TRIO: variants seen among roughly 807,000 people sequenced by gnomAD.
TRIO encodes the protein triple functional domain protein.
A neutral mutation model predicts 351.9 loss-of-function variants in TRIO; 58 were observed. The observed-to-expected ratio is 0.16, with a 90% CI of 0.13 to 0.21. The LOEUF (loss-of-function observed/expected upper bound fraction) is 0.21, where lower values mean the gene tolerates loss of function less well. TRIO is among the 10% of genes least tolerant of loss of function. The probability of loss-of-function intolerance (pLI) is 1.00; values close to 1 mark genes in which losing one functional copy is unlikely to be tolerated. For missense variants in TRIO, 3,201 were observed against 4,027.8 expected, an observed-to-expected ratio of 0.79 and a Z score of 5.56; for synonymous variants, 1,758 against 1,595.7, an observed-to-expected ratio of 1.10 and a Z score of -2.42.
chr5:14,250,023 A>T (rs142767206), intron 1 of TRIO, among the ~76,000 whole-genome samples: 2 of 152,260 alleles, frequency 1.3e-5, no homozygotes, highest in Non-Finnish European at 2.9e-5. Context: ...AGAATTTGTT[A>T]GAGAAGTCCA....
chr5:14,303,771 G>A (rs1738128190), intron 7 of TRIO, among the ~76,000 whole-genome samples: 1 of 152,196 alleles, frequency 6.6e-6, no homozygotes, highest in African/African-American at 2.4e-5. Context: ...GCATGGCTCA[G>A]GCTTTTCTCA....
chr5:14,324,496 A>G (rs1346643852), intron 9 of TRIO, among the ~76,000 whole-genome samples: 1 of 152,204 alleles, frequency 6.6e-6, no homozygotes, highest in Non-Finnish European at 1.5e-5. Context: ...AAACTAGCTT[A>G]GTATGTTCTT....
Position 14,387,610 on chromosome 5 carries a change from T to C in TRIO, c.3743T>C (p.Ile1248Thr). Residue 1248 changes from isoleucine to threonine, a missense_variant, in exon 22 of 57, where the codon ATT becomes ACT. By Grantham distance (89) the Ile-to-Thr change is moderately conservative. Around this residue, in one of 19 missense-constraint regions of TRIO, gnomAD observed 201 missense variants for 266.5 expected, o/e 0.75. Transcript: ENST00000344204. ...YRTSLEKALG[I>T]SSDSNKSSKS... ...ACCTCTTTGGAAAAAGCCCTGGGGA[T>C]TTCTTCAGATTCCAACAAATCGGTA... The C allele has an allele frequency of 6.2e-7, 1 of 1,611,920 alleles. No individual in the cohort carries two copies. The highest frequency in any genetic ancestry group is 8.5e-7 in the Non-Finnish European group (1 of 1,178,554).
At chr5:14,450,678 C>A (rs1752789633) in intron 34 of TRIO, among the ~76,000 whole-genome samples, 1 of 152,176 alleles carries the variant, frequency 6.6e-6, no homozygotes, top group Admixed American at 6.5e-5. Context: ...TTTTAATAGT[C>A]TTTTGCCACA....
At chr5:14,180,177 G>A (rs1222532775) in intron 1 of TRIO, among the ~76,000 whole-genome samples, 1 of 145,946 alleles carries the variant, frequency 6.9e-6, no homozygotes, top group African/African-American at 2.5e-5. Flanking sequence ...ATATTCCCTA[G>A]TTTTCTGGCA....
intron 1 of TRIO, among the ~76,000 whole-genome samples, chr5:14,236,664 A>G (rs983832346): frequency 6.6e-6 from 1 of 152,254 alleles, no homozygotes; most frequent in Non-Finnish European, 1.5e-5. Flanking sequence ...ATGTCTTAGT[A>G]TAATAACATT....
At chr5:14,404,485 T>C (rs1748533860) in intron 31 of TRIO, among the ~76,000 whole-genome samples, 1 of 152,212 alleles carries the variant, frequency 6.6e-6, no homozygotes, top group Non-Finnish European at 1.5e-5. Flanking sequence ...TTCTGAACCA[T>C]ATTAACAGTT....
At chr5:14,350,277 G>A (rs528570571) in intron 11 of TRIO, among the ~76,000 whole-genome samples, 48 of 152,350 alleles carry the variant, frequency 3.2e-4, no homozygotes, top group African/African-American at 1.1e-3. Context: ...CAACCGCAGT[G>A]AGAGACTGTG....
chr5:14,280,490 G>GT, intron 3 of TRIO, 54 bp downstream of exon 3: 1 of 1,475,454 alleles, frequency 6.8e-7, no homozygotes, highest in South Asian at 1.1e-5. Context: ...CAAGAGATGT[G>GT]GCGCTATACT....
At chr5:14,350,615 G>A (rs1020483492) in intron 11 of TRIO, among the ~76,000 whole-genome samples, 4 of 152,148 alleles carry the variant, frequency 2.6e-5, no homozygotes, top group Non-Finnish European at 5.9e-5. Flanking sequence ...GTGCTGGAGT[G>A]TCCACGCACT....
chr5:14,386,094 T>C (rs1746515704), intron 21 of TRIO, among the ~76,000 whole-genome samples: 1 of 152,122 alleles, frequency 6.6e-6, no homozygotes, highest in Non-Finnish European at 1.5e-5. Context: ...ATACATGCTA[T>C]GGGAAGCAGC....
chr5:14,237,154 C>T (rs995246712), intron 1 of TRIO, among the ~76,000 whole-genome samples: 12 of 152,110 alleles, frequency 7.9e-5, no homozygotes, highest in African/African-American at 1.7e-4. Flanking sequence ...TGTGAATTTC[C>T]GGTTTTTCTT....
At chr5:14,302,999 C>A (rs1362168099) in intron 7 of TRIO, among the ~76,000 whole-genome samples, 5 of 152,058 alleles carry the variant, frequency 3.3e-5, no homozygotes, top group African/African-American at 1.2e-4. Flanking sequence ...TGGAGGGTGT[C>A]AGTGGAGGAG....
chr5:14,400,749 AAG>A (rs1411031610), intron 30 of TRIO, among the ~76,000 whole-genome samples: 1 of 152,202 alleles, frequency 6.6e-6, no homozygotes, highest in African/African-American at 2.4e-5. Flanking sequence ...GGTCTCCAGT[AAG>A]AGACGCTCAC....
intron 1 of TRIO, among the ~76,000 whole-genome samples, chr5:14,204,520 T>C (rs1175064213): frequency 6.6e-6 from 1 of 152,128 alleles, no homozygotes; most frequent in African/African-American, 2.4e-5. Context: ...TGGTCAGTGT[T>C]GGTCTCTAGG....
intron 8 of TRIO, among the ~76,000 whole-genome samples, chr5:14,311,276 T>G (rs1738905536): frequency 6.6e-6 from 1 of 152,240 alleles, no homozygotes; most frequent in Non-Finnish European, 1.5e-5. Context: ...TTTTGGTTTT[T>G]CCTTTCTGAT....
At chr5:14,419,410 G>A (rs369191752) in intron 33 of TRIO, among the ~76,000 whole-genome samples, 5 of 152,126 alleles carry the variant, frequency 3.3e-5, no homozygotes, top group East Asian at 1.9e-4. Context: ...AGCATGGAAC[G>A]CCCAACACTG....
At chr5:14,399,149 T>C (rs773874545) in intron 30 of TRIO, 79 bp downstream of exon 30, 15 of 1,344,994 alleles carry the variant, frequency 1.1e-5, no homozygotes, top group Middle Eastern at 1.8e-4. Flanking sequence ...GAATTGTTCA[T>C]TGTCTTCAGT....
In TRIO at chr5:14,225,474, G is replaced by A. The variant is rs953726597; in HGVS notation, c.158-45351G>A. ...ATTTCCATCTGAAGCTTGGGGTCCTGTTCAGGTCCATTCAGGGTGTTGGCA... is the reference window on the plus strand; with the variant it reads ...ATTTCCATCTGAAGCTTGGGGTCCTATTCAGGTCCATTCAGGGTGTTGGCA... On this transcript the variant is annotated intron_variant, in intron 1 of 56. Transcript: ENST00000344204. 7.2e-5 allele frequency among the ~76,000 whole-genome samples: 11 copies of A among 152,244 alleles called. 1 individual carries two copies. In the South Asian group the frequency reaches 2.3e-3, roughly 32 times the overall value.
Sources: allele counts gnomAD v4.1 joint callset (sites outside exome capture counted in the v4.1 genomes callset), GRCh38; gene constraint gnomAD v4.1.1; regional missense constraint gnomAD v4.1.1; transcripts MANE v1.5; gene names NCBI Gene and HGNC (gene_info 2026-07-23, HGNC 2026-07-21).